GPR158: variants seen among roughly 807,000 people sequenced by gnomAD.
GPR158 encodes metabotropic glycine receptor.
In GPR158, 30 loss-of-function variants were observed where a neutral mutation model predicts 78.2. The observed-to-expected ratio is 0.38, with a 90% CI of 0.29 to 0.52. The LOEUF (loss-of-function observed/expected upper bound fraction) is 0.52. GPR158 is among the 20% of genes least tolerant of loss of function. GPR158 has a pLI of 0.83. For synonymous variants in GPR158, 581 were observed against 591.1 expected, an observed-to-expected ratio of 0.98 and a Z score of 0.25; for missense variants, 1,463 against 1,523.5, an observed-to-expected ratio of 0.96 and a Z score of 0.66.
At chr10:25,433,578 C>CGT (rs1165847309) in intron 4 of GPR158, among the ~76,000 whole-genome samples, 47 of 122,284 alleles carry the variant, frequency 3.8e-4, no homozygotes, top group Non-Finnish European at 5.8e-4. Flanking sequence ...TGTGCGCGCG[C>CGT]GCGTGCGCGT....
intron 4 of GPR158, among the ~76,000 whole-genome samples, chr10:25,443,534 G>A (rs911013138): frequency 1.4e-5 from 2 of 146,558 alleles, no homozygotes; most frequent in Non-Finnish European, 3.0e-5. Flanking sequence ...CAGCCTGGGC[G>A]ACAGAGCGAG....
chr10:25,360,500 A>G (rs1035797535), intron 2 of GPR158, among the ~76,000 whole-genome samples: 5 of 152,096 alleles, frequency 3.3e-5, no homozygotes, highest in Non-Finnish European at 7.4e-5. Flanking sequence ...CCATTTATTA[A>G]ATAGGGAATC....
chr10:25,385,990 G>A (rs1354279716), intron 2 of GPR158, among the ~76,000 whole-genome samples: 4 of 151,898 alleles, frequency 2.6e-5, no homozygotes, highest in African/African-American at 9.7e-5. Context: ...TCTATTTTTG[G>A]TTTTGTTGGT....
intron 6 of GPR158, among the ~76,000 whole-genome samples, chr10:25,558,338 C>G (rs1320744500): frequency 2.0e-5 from 3 of 152,176 alleles, no homozygotes; most frequent in African/African-American, 7.2e-5. Context: ...TAATATTCTT[C>G]GTTAGCAACT....
chr10:25,438,810 G>A (rs559197233), intron 4 of GPR158, among the ~76,000 whole-genome samples: 41 of 152,130 alleles, frequency 2.7e-4, no homozygotes, highest in Non-Finnish European at 1.6e-4. Context: ...GAAGTCAGGG[G>A]TTTATTTCTT....
intron 2 of GPR158, among the ~76,000 whole-genome samples, chr10:25,232,308 T>C (rs1223214150): frequency 6.6e-6 from 1 of 152,162 alleles, no homozygotes; most frequent in Non-Finnish European, 1.5e-5. Flanking sequence ...AAAAATCCCA[T>C]TATGACAGCA....
intron 4 of GPR158, among the ~76,000 whole-genome samples, chr10:25,423,335 TG>T (rs1834779438): frequency 6.6e-6 from 1 of 151,980 alleles, no homozygotes; most frequent in African/African-American, 2.4e-5. Context: ...TCTTTTCTTC[TG>T]GGTAGATACC....
intron 5 of GPR158, among the ~76,000 whole-genome samples, chr10:25,523,266 T>C (rs915549765): frequency 1.3e-5 from 2 of 152,166 alleles, no homozygotes; most frequent in African/African-American, 4.8e-5. Context: ...GGAGAAGGGC[T>C]AGAAATGGAA....
intron 2 of GPR158, among the ~76,000 whole-genome samples, chr10:25,365,507 G>A (rs1308146750): frequency 4.0e-5 from 6 of 151,656 alleles, no homozygotes; most frequent in Non-Finnish European, 8.9e-5. Context: ...AGTATTTGGT[G>A]CATGCAAACA....
At chr10:25,579,180 C>G (rs537833383) in intron 7 of GPR158, among the ~76,000 whole-genome samples, 10 of 151,154 alleles carry the variant, frequency 6.6e-5, no homozygotes, top group Non-Finnish European at 1.2e-4. Context: ...ATCCTCCTAC[C>G]CTGGTTGGTA....
intron 2 of GPR158, among the ~76,000 whole-genome samples, chr10:25,387,774 A>G (rs895728518): frequency 2.6e-5 from 4 of 152,082 alleles, no homozygotes; most frequent in Admixed American, 2.6e-4. Context: ...TCAGCCTCCC[A>G]AAGTGCTGTG....
At chr10:25,351,117 G>C (rs1248944942) in intron 2 of GPR158, among the ~76,000 whole-genome samples, 1 of 151,962 alleles carries the variant, frequency 6.6e-6, no homozygotes, top group Non-Finnish European at 1.5e-5. Flanking sequence ...TATTTATAGA[G>C]AAGGGCAGGC....
chr10:25,375,500 T>C (rs886315876), intron 2 of GPR158, among the ~76,000 whole-genome samples: 2 of 151,662 alleles, frequency 1.3e-5, no homozygotes, highest in Non-Finnish European at 3.0e-5. Context: ...TTTTACCTTT[T>C]AAATTTTAGC....
At chr10:25,422,488 A>G (rs1261160022) in intron 4 of GPR158, among the ~76,000 whole-genome samples, 1 of 152,098 alleles carries the variant, frequency 6.6e-6, no homozygotes, top group African/African-American at 2.4e-5. Context: ...ACCTCTGTCC[A>G]TGGAAAAATT....
chr10:25,558,965 C>G (rs1180433327), intron 6 of GPR158, among the ~76,000 whole-genome samples: 2 of 152,122 alleles, frequency 1.3e-5, no homozygotes, highest in African/African-American at 4.8e-5. Context: ...GTGTTTTCTT[C>G]TATTTGGGAG....
intron 10 of GPR158, 87 bp downstream of exon 10, chr10:25,596,876 A>G: frequency 9.3e-7 from 1 of 1,071,224 alleles, no homozygotes; most frequent in South Asian, 1.4e-5. Context: ...GCGTGTGTGC[A>G]TGCATGTACA....
chr10:25,322,486 A>G (rs1185615662), intron 2 of GPR158, among the ~76,000 whole-genome samples: 2 of 152,192 alleles, frequency 1.3e-5, no homozygotes, highest in East Asian at 3.8e-4. Flanking sequence ...AAGTCTTTGT[A>G]TCTTTACAAA....
intron 1 of GPR158, among the ~76,000 whole-genome samples, chr10:25,212,519 G>T (rs1853146580): frequency 2.0e-5 from 3 of 149,512 alleles, no homozygotes; most frequent in Non-Finnish European, 4.4e-5. Flanking sequence ...AACCATATCA[G>T]TATGTTTCTC....
intron 2 of GPR158, among the ~76,000 whole-genome samples, chr10:25,356,821 G>A (rs1291311550): frequency 6.6e-6 from 1 of 152,026 alleles, no homozygotes; most frequent in Non-Finnish European, 1.5e-5. Flanking sequence ...GGAATGGGGT[G>A]CTACTATTAA....
Sources: gnomAD v4.1 joint callset for allele counts (sites outside exome capture counted in the v4.1 genomes callset) on GRCh38, gnomAD v4.1.1 for gene constraint, MANE v1.5 for transcripts, NCBI Gene and HGNC (gene_info 2026-07-23, HGNC 2026-07-21) for gene names.